The following DAB1 variants were observed in gnomAD, a reference collection of about 807,000 sequenced individuals.
DAB1 encodes disabled homolog 1.
A neutral mutation model predicts 64.6 loss-of-function variants in DAB1; 15 were observed. The ratio of observed to expected loss-of-function variants is 0.23; its 90% CI spans 0.16 to 0.36. DAB1 has a LOEUF of 0.36. DAB1 is among the 10% of genes least tolerant of loss of function. DAB1 has a pLI of 1.00. For missense variants in DAB1, 596 were observed against 706.7 expected (o/e 0.84, Z 1.78); for synonymous variants, 235 against 251.9 (o/e 0.93, Z 0.64).
chr1:57,528,455 T>C (rs1297105865), intron 7 of DAB1, among the ~76,000 whole-genome samples: 1 of 152,126 alleles, frequency 6.6e-6, no homozygotes, highest in Non-Finnish European at 1.5e-5. Flanking sequence ...GACAGAAAAT[T>C]ATTTTGATGA....
At chr1:58,247,639 T>G (rs980485249) in intron 4 of DAB1, among the ~76,000 whole-genome samples, 3 of 152,186 alleles carry the variant, frequency 2.0e-5, no homozygotes, top group African/African-American at 7.2e-5. Context: ...TTGTGCAGTT[T>G]GAGATTTTCC....
At chr1:57,628,178 T>G (rs1447748930) in intron 7 of DAB1, among the ~76,000 whole-genome samples, 1 of 152,206 alleles carries the variant, frequency 6.6e-6, no homozygotes, top group African/African-American at 2.4e-5. Context: ...ACTCCTCATT[T>G]GTAAAACAGA....
At chr1:58,026,773 A>G (rs1646901379) in intron 5 of DAB1, among the ~76,000 whole-genome samples, 1 of 152,208 alleles carries the variant, frequency 6.6e-6, no homozygotes. Flanking sequence ...ATATAGATCC[A>G]TGGGAGATTT....
At chr1:57,284,399 ATGTT>A (rs1024891219) in intron 2 of DAB1, among the ~76,000 whole-genome samples, 3 of 152,176 alleles carry the variant, frequency 2.0e-5, no homozygotes, top group Non-Finnish European at 4.4e-5. Flanking sequence ...AGCTGGATAA[ATGTT>A]TGTGGACAAA....
At chr1:57,914,999 G>C (rs550787718) in intron 5 of DAB1, among the ~76,000 whole-genome samples, 1 of 152,074 alleles carries the variant, frequency 6.6e-6, no homozygotes, top group African/African-American at 2.4e-5. Flanking sequence ...TACTATGCTA[G>C]CTGGACAAAA....
chr1:58,195,721 A>C (rs889601615), intron 4 of DAB1, among the ~76,000 whole-genome samples: 1 of 152,246 alleles, frequency 6.6e-6, no homozygotes, highest in African/African-American at 2.4e-5. Context: ...AGTTACTTAG[A>C]GTCTATAAAG....
chr1:57,142,631 TAC>T (rs35559563), intron 3 of DAB1, among the ~76,000 whole-genome samples: 1 of 42,388 alleles, frequency 2.4e-5, no homozygotes, highest in Non-Finnish European at 5.3e-5. Flanking sequence ...CACACACACA[TAC>T]ACACACACAC....
chr1:58,362,859 A>C (rs1457900639), intron 3 of DAB1, among the ~76,000 whole-genome samples: 1 of 152,254 alleles, frequency 6.6e-6, no homozygotes, highest in Non-Finnish European at 1.5e-5. Flanking sequence ...TGTCTTAGCC[A>C]GCTTGGGCTT....
chr1:57,702,033 C>T (rs1480175496), intron 6 of DAB1, among the ~76,000 whole-genome samples: 1 of 152,136 alleles, frequency 6.6e-6, no homozygotes, highest in East Asian at 1.9e-4. Context: ...TTTGAGGAGG[C>T]CATGGTTCCC....
At chr1:57,828,824 T>C (rs1001736033) in intron 1 of DAB1, among the ~76,000 whole-genome samples, 12 of 152,194 alleles carry the variant, frequency 7.9e-5, no homozygotes, top group African/African-American at 2.4e-4. Flanking sequence ...TTTTACACTC[T>C]TAGAAAAAAG....
chr1:58,141,795 T>C (rs1654299924), intron 5 of DAB1, among the ~76,000 whole-genome samples: 2 of 152,182 alleles, frequency 1.3e-5, no homozygotes, highest in Admixed American at 6.5e-5. Context: ...TGGAAGGGCA[T>C]TCTGGGTAGA....
intron 6 of DAB1, among the ~76,000 whole-genome samples, chr1:57,665,223 GA>G (rs1646432606): frequency 6.6e-6 from 1 of 152,004 alleles, no homozygotes; most frequent in Non-Finnish European, 1.5e-5. Context: ...TTAATACAAT[GA>G]ATAAACAAGC....
At chr1:57,250,935 G>A (rs1669289401) in intron 2 of DAB1, among the ~76,000 whole-genome samples, 1 of 152,120 alleles carries the variant, frequency 6.6e-6, no homozygotes, top group African/African-American at 2.4e-5. Flanking sequence ...ACATCTTTCT[G>A]GAATTAAAGC....
At chr1:57,351,939 A>C (rs1249805604) in intron 1 of DAB1, among the ~76,000 whole-genome samples, 1 of 152,224 alleles carries the variant, frequency 6.6e-6, no homozygotes, top group East Asian at 1.9e-4. Context: ...TAGGAGGCCT[A>C]GCTATAGTCA....
chr1:58,347,964 T>C (rs1644017593), intron 3 of DAB1, among the ~76,000 whole-genome samples: 2 of 152,172 alleles, frequency 1.3e-5, no homozygotes, highest in African/African-American at 4.8e-5. Flanking sequence ...GGAATGACTA[T>C]CCTCCAAGGG....
At chr1:57,628,414 T>A (rs1160966462) in intron 7 of DAB1, among the ~76,000 whole-genome samples, 1 of 152,172 alleles carries the variant, frequency 6.6e-6, no homozygotes, top group Non-Finnish European at 1.5e-5. Context: ...TCCTTCCACC[T>A]TTTCCTGTCC....
At chr1:57,007,086 G>A (rs1446499297) in intron 14 of DAB1, among the ~76,000 whole-genome samples, 1 of 151,414 alleles carries the variant, frequency 6.6e-6, no homozygotes, top group Non-Finnish European at 1.5e-5. Context: ...AGCATCTGAG[G>A]TTTCAGCTTT....
chr1:58,106,666 C>T (rs767597240), intron 5 of DAB1, among the ~76,000 whole-genome samples: 4 of 152,276 alleles, frequency 2.6e-5, no homozygotes, highest in African/African-American at 7.2e-5. Context: ...CCTTCTCATA[C>T]GTTGTAGATG....
intron 4 of DAB1, among the ~76,000 whole-genome samples, chr1:57,132,439 G>A (rs1252518306): frequency 6.6e-6 from 1 of 152,092 alleles, no homozygotes; most frequent in East Asian, 1.9e-4. Context: ...ACACAGGGCT[G>A]CACATGGCAT....
Sources: gnomAD v4.1 joint callset for allele counts (sites outside exome capture counted in the v4.1 genomes callset) on GRCh38, gnomAD v4.1.1 for gene constraint, MANE v1.5 for transcripts, NCBI Gene and HGNC (gene_info 2026-07-23, HGNC 2026-07-21) for gene names.